CALD1: variants seen among roughly 807,000 people sequenced by gnomAD.
CALD1 encodes caldesmon 1.
Under a neutral mutation model 99.9 loss-of-function variants are expected in CALD1, and 33 were observed. That is an observed-to-expected ratio of 0.33 (90% CI 0.25 to 0.44). CALD1 has a LOEUF of 0.44. CALD1 is among the 20% of genes least tolerant of loss of function. The probability of loss-of-function intolerance (pLI) is 1.00; values close to 1 mark genes in which losing one functional copy is unlikely to be tolerated. For missense variants in CALD1, 861 were observed against 962.1 expected (o/e 0.89, Z 1.39); for synonymous variants, 310 against 325.0 (o/e 0.95, Z 0.50).
chr7:134,901,575 G>A (rs888089101), intron 3 of CALD1, among the ~76,000 whole-genome samples: 11 of 152,088 alleles, frequency 7.2e-5, no homozygotes, highest in African/African-American at 2.7e-4. Context: ...TGCTTGTAAA[G>A]TACAAAGTAC....
At chr7:134,756,826 T>C (rs10238683) in intron 1 of CALD1, among the ~76,000 whole-genome samples, 22,347 of 152,242 alleles carry the variant, frequency 0.15, 1,773 homozygotes, top group Non-Finnish European at 0.18. Flanking sequence ...AAAATATAAA[T>C]ATGAGCTTTT....
At chr7:134,722,209 T>G in the CALD1 span, among the ~76,000 whole-genome samples, 18,697 of 152,142 alleles carry the variant, frequency 0.12, 1,406 homozygotes, top group Non-Finnish European at 0.17. Flanking sequence ...AAGATGACTT[T>G]GGAGCAGATT....
At chr7:134,739,933 C>T (rs1447807241), upstream of CALD1, among the ~76,000 whole-genome samples, 3 of 134,780 alleles carry the variant, frequency 2.2e-5, no homozygotes, top group African/African-American at 8.3e-5. Context: ...ATGTCCACTA[C>T]ATTCTTCACT....
In CALD1 at chr7:134,926,627, A is replaced by G. The variant is rs546483060; in HGVS notation, c.72-2127A>G. Among the ~76,000 whole-genome samples the G allele has an allele frequency of 5.9e-5, 9 of 152,368 alleles. No individual in the cohort carries two copies. In the South Asian group the frequency reaches 1.9e-3, roughly 32 times the overall value. ...CTTATTATTGAAGTCAAAAGATGAC[A>G]CAGATGAAATAAAGTACTGACTCTA... On this transcript the variant is annotated intron_variant, in intron 3 of 14. Coordinates refer to ENST00000361675, the MANE Select transcript of CALD1 (RefSeq NM_033138.4).
chr7:134,920,799 G>A, intron 3 of CALD1: 1 of 686,718 alleles, frequency 1.5e-6, no homozygotes, highest in South Asian at 1.5e-5. Context: ...TGATCTGTTG[G>A]AATTTTAGGT....
intron 9 of CALD1, among the ~76,000 whole-genome samples, chr7:134,956,152 T>C (rs770730099): frequency 7.9e-4 from 121 of 152,264 alleles, no homozygotes; most frequent in Non-Finnish European, 1.4e-3. Context: ...GCTTTTGTCT[T>C]TGTAGGAAAT....
chr7:134,734,686 A>T, the CALD1 span, among the ~76,000 whole-genome samples: 4 of 152,244 alleles, frequency 2.6e-5, no homozygotes, highest in East Asian at 7.7e-4. Flanking sequence ...TGATGGTTTT[A>T]TAAATGGGAG....
rs1801940842 is a variant in CALD1, at chr7:134,887,774, ATG to A, written c.71+19977_71+19978del. Among the ~76,000 whole-genome samples the A allele has an allele frequency of 7.6e-5, 10 of 131,354 alleles. No individual in the cohort carries two copies. The Admixed American group carries it at 7.7e-4, about 10-fold the overall frequency. The allele number at this position is 131,354 out of a possible 152,430, so 86.2% of individuals were successfully genotyped here. On this transcript the variant is annotated intron_variant, in intron 3 of 14. Transcript: ENST00000361675. ...TGTGTCTCTATGTGCCTGCGTGTGT[ATG>A]TGTGTGCATGTGTATGTGTGCGCAT...
intron 1 of CALD1, among the ~76,000 whole-genome samples, chr7:134,834,807 C>T (rs893111399): frequency 6.6e-6 from 1 of 152,194 alleles, no homozygotes; most frequent in Non-Finnish European, 1.5e-5. Context: ...ACCAAACATT[C>T]CAGACATTTC....
intron 3 of CALD1, among the ~76,000 whole-genome samples, chr7:134,890,806 G>T (rs889560069): frequency 2.0e-5 from 3 of 152,174 alleles, no homozygotes; most frequent in Non-Finnish European, 2.9e-5. Flanking sequence ...TCTCAGGAGG[G>T]CTCTTGCCCA....
intron 1 of CALD1, among the ~76,000 whole-genome samples, chr7:134,748,144 C>T (rs747646824): frequency 6.6e-6 from 1 of 152,264 alleles, no homozygotes; most frequent in African/African-American, 2.4e-5. Context: ...AGATTTTGGA[C>T]TTGCGCAGAA....
intron 1 of CALD1, among the ~76,000 whole-genome samples, chr7:134,750,756 G>GTT (rs35880195): frequency 6.7e-4 from 101 of 150,304 alleles, no homozygotes; most frequent in Middle Eastern, 3.4e-3. Context: ...CTTCTATATT[G>GTT]TTTTTTTTTC....
At chr7:134,724,401 G>A in the CALD1 span, among the ~76,000 whole-genome samples, 1 of 152,160 alleles carries the variant, frequency 6.6e-6, no homozygotes, top group African/African-American at 2.4e-5. Flanking sequence ...ACTGAGGGGA[G>A]AGCGCCTGGG....
chr7:134,794,456 C>T (rs1158485905), intron 1 of CALD1, among the ~76,000 whole-genome samples: 1 of 152,074 alleles, frequency 6.6e-6, no homozygotes, highest in Non-Finnish European at 1.5e-5. Flanking sequence ...AAATGTATAC[C>T]AAAGGCCTAG....
At chr7:134,724,949 C>T in the CALD1 span, among the ~76,000 whole-genome samples, 46 of 152,342 alleles carry the variant, frequency 3.0e-4, no homozygotes, top group Non-Finnish European at 6.0e-4. Context: ...AGGAGGCTGG[C>T]TTCTGCATCC....
intron 2 of CALD1, among the ~76,000 whole-genome samples, chr7:134,855,249 C>T (rs962025574): frequency 1.3e-5 from 2 of 152,220 alleles, no homozygotes; most frequent in African/African-American, 4.8e-5. Flanking sequence ...TTAATGTCCA[C>T]GTTCACTTGT....
intron 9 of CALD1, among the ~76,000 whole-genome samples, chr7:134,955,640 G>C (rs567182225): frequency 1.5e-4 from 23 of 152,286 alleles, no homozygotes; most frequent in African/African-American, 5.5e-4. Context: ...TCTTCCTGTA[G>C]GGATAACAAT....
Position 134,969,021 on chromosome 7 carries a change from A to G in CALD1, c.*676A>G, listed in dbSNP as rs574895793. On this transcript the variant is annotated 3_prime_UTR_variant, in exon 15 of 15. Coordinates refer to ENST00000361675, the MANE Select transcript of CALD1 (RefSeq NM_033138.4). ...GATAGTAGCCTGAACCACATTTTAG[A>G]TAACTCAATTATGTATGTATGTGCA... 1.2e-5 allele frequency: 2 copies of G among 165,312 alleles called. No individual in the cohort carries two copies. Among genetic ancestry groups the G allele is most frequent in the African/African-American group, 4.8e-5 (2 of 41,792 alleles). 10.2% of individuals were successfully genotyped at this position (165,312 alleles called of 1,614,324 possible). A position where few individuals can be genotyped will look rare whatever the true frequency, so the allele number is the denominator to read the frequency against.
intron 1 of CALD1, among the ~76,000 whole-genome samples, chr7:134,791,051 A>C (rs1797509582): frequency 9.1e-6 from 1 of 109,330 alleles, no homozygotes; most frequent in Non-Finnish European, 1.9e-5. Flanking sequence ...TCACCTTCCC[A>C]GGTGAGATAC....
Sources: allele counts gnomAD v4.1 joint callset (sites outside exome capture counted in the v4.1 genomes callset), GRCh38; gene constraint gnomAD v4.1.1; transcripts MANE v1.5; gene names NCBI Gene and HGNC (gene_info 2026-07-23, HGNC 2026-07-21).